The following SLC44A5 variants were observed in gnomAD, a reference collection of about 807,000 sequenced individuals.
SLC44A5 encodes the protein choline transporter-like protein 5.
In SLC44A5, 57 loss-of-function variants were observed where a neutral mutation model predicts 101.8. The ratio of observed to expected loss-of-function variants is 0.56; its 90% CI spans 0.45 to 0.70. SLC44A5 has a LOEUF of 0.70. Among genes scored for constraint, SLC44A5 ranks in the 30% least tolerant of loss-of-function variants. SLC44A5 has a pLI of 0.00. For missense variants in SLC44A5, 737 were observed against 853.1 expected (o/e 0.86, Z 1.70); for synonymous variants, 281 against 290.9 (o/e 0.97, Z 0.35).
At chr1:75,422,451 G>A (rs774684201) in intron 2 of SLC44A5, among the ~76,000 whole-genome samples, 22 of 152,150 alleles carry the variant, frequency 1.4e-4, no homozygotes, top group Non-Finnish European at 2.9e-5. Flanking sequence ...CTTATGATGA[G>A]CTAGTTTTGT....
intron 2 of SLC44A5, among the ~76,000 whole-genome samples, chr1:75,463,442 A>AG (rs869043606): frequency 6.1e-5 from 9 of 146,386 alleles, no homozygotes; most frequent in African/African-American, 2.2e-4. Flanking sequence ...AAAAAAAAAA[A>AG]GATCCTAAAA....
At chr1:75,541,388 G>A (rs370603366) in intron 2 of SLC44A5, 47 bp downstream of exon 2, 5 of 1,333,286 alleles carry the variant, frequency 3.8e-6, no homozygotes, top group African/African-American at 2.9e-5. Context: ...AGAATATTTG[G>A]CACAAAAGTC....
intron 13 of SLC44A5, among the ~76,000 whole-genome samples, chr1:75,225,745 A>G (rs1317990899): frequency 6.6e-6 from 1 of 152,248 alleles, no homozygotes; most frequent in Non-Finnish European, 1.5e-5. Context: ...GTAATCAATT[A>G]AAATCTGAAA....
At chr1:75,232,255 T>C (rs1647642163) in intron 12 of SLC44A5, among the ~76,000 whole-genome samples, 1 of 152,170 alleles carries the variant, frequency 6.6e-6, no homozygotes, top group Non-Finnish European at 1.5e-5. Context: ...TTGTCAAAAC[T>C]GCACTACAGC....
chr1:75,340,378 T>C (rs1161289031), intron 3 of SLC44A5, among the ~76,000 whole-genome samples: 1 of 152,130 alleles, frequency 6.6e-6, no homozygotes, highest in East Asian at 1.9e-4. Context: ...AATCCCCGAC[T>C]TCTTGACTCT....
At chr1:75,278,172 G>T (rs1652085618) in intron 5 of SLC44A5, among the ~76,000 whole-genome samples, 1 of 151,922 alleles carries the variant, frequency 6.6e-6, no homozygotes, top group African/African-American at 2.4e-5. Context: ...CAACAACAAA[G>T]AAGAATATCT....
rs141908455 is a variant in SLC44A5, at chr1:75,436,698, T to C, written c.14-40077A>G. Among the ~76,000 whole-genome samples, 478 of 152,318 alleles carry C rather than the reference T, an allele frequency of 3.1e-3. 1 individual carries two copies. Among genetic ancestry groups the C allele is most frequent in the Non-Finnish European group, 4.9e-3 (335 of 68,012 alleles). ...TCAACGATAATTAACCTTAGCTTAC[T>C]AATTTCTTTAGCTTAGGAACTTTTT... On this transcript the variant is annotated intron_variant, in intron 2 of 23. Transcript: ENST00000370859.
At chr1:75,656,139 G>A in the SLC44A5 span, among the ~76,000 whole-genome samples, 4 of 152,284 alleles carry the variant, frequency 2.6e-5, no homozygotes, top group Non-Finnish European at 4.4e-5. Flanking sequence ...ACTTCCAACT[G>A]AGTATACTGT....
At chr1:75,586,225 G>A (rs1673981322) in intron 1 of SLC44A5, among the ~76,000 whole-genome samples, 1 of 152,044 alleles carries the variant, frequency 6.6e-6, no homozygotes, top group Non-Finnish European at 1.5e-5. Flanking sequence ...TTTTTGAGCT[G>A]GGATGTCAGT....
intron 2 of SLC44A5, among the ~76,000 whole-genome samples, chr1:75,446,213 T>A (rs1243003608): frequency 6.6e-6 from 1 of 152,188 alleles, no homozygotes; most frequent in Non-Finnish European, 1.5e-5. Context: ...TCCATTTTTT[T>A]ATAGCATTTT....
chr1:75,374,508 G>A (rs1660438828), intron 3 of SLC44A5, among the ~76,000 whole-genome samples: 1 of 152,156 alleles, frequency 6.6e-6, no homozygotes, highest in East Asian at 1.9e-4. Flanking sequence ...TAACTGCAGG[G>A]TACTCCACTA....
intron 6 of SLC44A5, among the ~76,000 whole-genome samples, chr1:75,261,432 C>T (rs956647516): frequency 3.3e-5 from 5 of 151,972 alleles, no homozygotes; most frequent in African/African-American, 1.2e-4. Flanking sequence ...AAATGGATAA[C>T]TTCCTGGACA....
chr1:75,259,352 A>G (rs1650290688), intron 6 of SLC44A5, among the ~76,000 whole-genome samples: 5 of 152,202 alleles, frequency 3.3e-5, no homozygotes, highest in Admixed American at 3.3e-4. Flanking sequence ...GATGGAGCTG[A>G]AAAACACAGC....
intron 2 of SLC44A5, among the ~76,000 whole-genome samples, chr1:75,413,084 C>T (rs556537431): frequency 7.2e-4 from 109 of 152,220 alleles, no homozygotes; most frequent in African/African-American, 2.4e-3. Context: ...GGAAGAGAGG[C>T]CATATTCACA....
the SLC44A5 span, among the ~76,000 whole-genome samples, chr1:75,721,197 T>G: frequency 6.6e-6 from 1 of 152,126 alleles, no homozygotes; most frequent in South Asian, 2.1e-4. Context: ...CAGGTTAAAT[T>G]TAAATTTTAG....
intron 2 of SLC44A5, among the ~76,000 whole-genome samples, chr1:75,478,514 A>T (rs1308153042): frequency 6.6e-6 from 1 of 152,100 alleles, no homozygotes; most frequent in East Asian, 1.9e-4. Context: ...CCCATCTCAC[A>T]TGCAGAGACA....
chr1:75,405,912 A>G (rs1425713771), intron 2 of SLC44A5, among the ~76,000 whole-genome samples: 5 of 151,930 alleles, frequency 3.3e-5, no homozygotes, highest in African/African-American at 7.2e-5. Context: ...TAAAAAATCA[A>G]TGAATCCAGG....
chr1:75,324,462 G>A (rs1287958539), intron 4 of SLC44A5, among the ~76,000 whole-genome samples: 1 of 152,126 alleles, frequency 6.6e-6, no homozygotes, highest in Non-Finnish European at 1.5e-5. Context: ...TAGCACTATG[G>A]TCTTATATCA....
At chr1:75,303,524 G>A (rs1292308898) in intron 4 of SLC44A5, among the ~76,000 whole-genome samples, 10 of 152,142 alleles carry the variant, frequency 6.6e-5, no homozygotes, top group South Asian at 2.1e-4. Context: ...GTGAGCCACC[G>A]CACCCGGCGG....
Sources: gnomAD v4.1 joint callset for allele counts (sites outside exome capture counted in the v4.1 genomes callset) on GRCh38, gnomAD v4.1.1 for gene constraint, MANE v1.5 for transcripts, NCBI Gene and HGNC (gene_info 2026-07-23, HGNC 2026-07-21) for gene names.